CCNI2: variants seen among roughly 807,000 people sequenced by gnomAD.
CCNI2 encodes the protein cyclin-I2.
Under a neutral mutation model 33.2 loss-of-function variants are expected in CCNI2, and 32 were observed. The observed-to-expected ratio is 0.96, with a 90% confidence interval of 0.73 to 1.30. The LOEUF (loss-of-function observed/expected upper bound fraction) is 1.30, where lower values mean the gene tolerates loss of function less well. CCNI2 is among the 50% of genes most tolerant of loss of function. The pLI is 0.00. For synonymous variants in CCNI2, 231 were observed against 219.9 expected (o/e 1.05, Z -0.45); for missense variants, 452 against 486.2 (o/e 0.93, Z 0.66).
rs1754673677 is a variant in CCNI2 at position 132,748,373 on chromosome 5, A to G, written c.456A>G (p.Glu152=). ...PQDEICDAFE[E]VVLWLLRLQN... ...ATGAAATCTGCGACGCCTTCGAGGA[A>G]GTCGTGCTGTGGCTCCTGCGGCTTC... Residue 152 remains glutamate (E), a synonymous_variant, in exon 2 of 6, where the codon GAA becomes GAG. Coordinates refer to ENST00000378731, the MANE Select transcript of CCNI2 (RefSeq NM_001039780.4). 4.3e-6 allele frequency: 7 copies of G among 1,614,014 alleles called. No homozygotes were observed. Among genetic ancestry groups the G allele is most frequent in the Non-Finnish European group, 5.9e-6 (7 of 1,179,996 alleles).
downstream of CCNI2, among the ~76,000 whole-genome samples, chr5:132,754,691 G>T (rs184296701): frequency 6.6e-6 from 1 of 152,162 alleles, no homozygotes; most frequent in African/African-American, 2.4e-5. Context: ...CAAGCTTGCC[G>T]TGGGGCCCCA....
In CCNI2 at chr5:132,747,892, G is replaced by C; in HGVS notation, c.397G>C (p.Glu133Gln). The change falls in exon 1 of 6, where the codon GAG becomes CAG. Residue 133 changes from glutamate to glutamine, a missense_variant. Physicochemically the swap from Glu to Gln is conservative, Grantham distance 29 (BLOSUM62 2). Coordinates refer to ENST00000378731, the MANE Select transcript of CCNI2 (RefSeq NM_001039780.4). The surrounding 1 kb of genome is among the most constrained non-coding windows in gnomAD (Gnocchi z 4.1). Reference protein sequence around the residue: ...LCHLQLAQDREARLWRGGKPQ... With the variant: ...LCHLQLAQDRQARLWRGGKPQ... ...CCACTTGCAGCTGGCCCAGGACCGC[G>C]AGGCGCGCCTGTGGCGGGGCGGCAA... is the stretch of plus-strand genomic sequence containing the variant. The C allele has an allele frequency of 1.4e-6, 2 of 1,406,220 alleles. No homozygotes were observed. The highest frequency in any genetic ancestry group is 2.3e-4 in the Middle Eastern group (1 of 4,424). The allele number at this position is 1,406,220 out of a possible 1,614,324, so 87.1% of individuals were successfully genotyped here.
downstream of CCNI2, among the ~76,000 whole-genome samples, chr5:132,755,785 CT>C (rs1561735313): frequency 2.0e-5 from 3 of 152,170 alleles, no homozygotes; most frequent in African/African-American, 7.2e-5. Context: ...CTTCCTGTAA[CT>C]TTCCTGTGAC....
At position 132,754,191 on chromosome 5, in the gene CCNI2, AC is replaced by A; in HGVS notation, c.*1223del. 1.9e-6 allele frequency: 1 copy of A among 527,092 alleles called. No individual in the cohort carries two copies. The highest frequency in any genetic ancestry group is 2.7e-5 in the South Asian group (1 of 37,166). 32.7% of individuals were successfully genotyped at this position (527,092 alleles called of 1,614,324 possible). On this transcript the variant is annotated 3_prime_UTR_variant, in exon 6 of 6. Transcript: ENST00000378731. ...TCCTGTATGAGTCTTATTTTGAGCTACCATGCATTTAGCCTTGCGAGAGTCA... is the reference window on the plus strand; with the variant it reads ...TCCTGTATGAGTCTTATTTTGAGCTACATGCATTTAGCCTTGCGAGAGTCA...
chr5:132,754,564 G>A, downstream of CCNI2: 1 of 716,760 alleles, frequency 1.4e-6, no homozygotes, highest in Non-Finnish European at 2.6e-6. Context: ...TAGGACTGGG[G>A]TAAGAGACAA....
chr5:132,747,509 C>T lies in CCNI2; in HGVS notation c.14C>T (p.Ala5Val). The change falls in exon 1 of 6, where the codon GCT becomes GTT. Residue 5 changes from alanine (A) to valine (V), a missense_variant. Physicochemically the swap from Ala to Val is moderately conservative, Grantham distance 64. Coordinates refer to ENST00000378731, the MANE Select transcript of CCNI2 (RefSeq NM_001039780.4). The surrounding 1 kb of genome is among the most constrained non-coding windows in gnomAD (Gnocchi z 4.1). Reference protein sequence around the residue: MASGAQLPPQPSSSE... With the variant: MASGVQLPPQPSSSE... ...CCCGCTCACGACATGGCCTCGGGCGCTCAGCTCCCGCCGCAGCCGTCGAGC... is the reference window on the plus strand; with the variant it reads ...CCCGCTCACGACATGGCCTCGGGCGTTCAGCTCCCGCCGCAGCCGTCGAGC... 6.7e-7 allele frequency: 1 copy of T among 1,483,968 alleles called. No homozygotes were observed. Among genetic ancestry groups the T allele is most frequent in the South Asian group, 1.3e-5 (1 of 77,878 alleles). 91.9% of individuals were successfully genotyped at this position (1,483,968 alleles called of 1,614,324 possible).
downstream of CCNI2, among the ~76,000 whole-genome samples, chr5:132,754,804 A>G (rs1050313172): frequency 2.6e-5 from 4 of 152,204 alleles, no homozygotes; most frequent in African/African-American, 9.7e-5. Flanking sequence ...AAATATGGAT[A>G]CAATCTATTT....
At position 132,750,914 on chromosome 5, in the gene CCNI2, G is replaced by A; in HGVS notation, c.691G>A (p.Glu231Lys). ...KHYGSDYSPN[E>K]LLRMELAILD... ...CTATGGCTCTGACTATTCCCCGAAT[G>A]AGCTGCTGAGGATGGAGCTGGCTAT... Residue 231 changes from glutamate (E) to lysine (K), a missense_variant, in exon 4 of 6, where the codon GAG (glutamate) becomes AAG (lysine). Transcript: ENST00000378731. 1 of 1,614,238 alleles carries A rather than the reference G, an allele frequency of 6.2e-7. No homozygotes were observed. The highest frequency in any genetic ancestry group is 8.5e-7 in the Non-Finnish European group (1 of 1,180,034).
rs1754904676 is a variant in CCNI2, at chr5:132,752,213, C to T, written c.1005+17C>T. 2 of 1,551,662 alleles carry T rather than the reference C, an allele frequency of 1.3e-6. No homozygotes were observed. Among genetic ancestry groups the T allele is most frequent in the South Asian group, 1.2e-5 (1 of 83,894 alleles). On this transcript the variant is annotated intron_variant, in intron 5 of 5. Coordinates refer to ENST00000378731, the MANE Select transcript of CCNI2 (RefSeq NM_001039780.4). ...AAAGCACAGGTAGACATCAACTTTG[C>T]CCCAGACCAGGCTCTGTGTTTTGCC...
chr5:132,749,337 C>T lies in CCNI2; in HGVS notation c.559-11C>T, dbSNP rs762259411. ...CATATTCTGCTCAAATGTGTTTGTTCCATACTGCAGGTAAAAGAGAAATAC... is the reference window on the plus strand; with the variant it reads ...CATATTCTGCTCAAATGTGTTTGTTTCATACTGCAGGTAAAAGAGAAATAC... On this transcript the variant is annotated splice_polypyrimidine_tract_variant and intron_variant, in intron 2 of 5. Transcript: ENST00000378731. The T allele has an allele frequency of 1.2e-6, 2 of 1,608,242 alleles. No homozygotes were observed. Among genetic ancestry groups the T allele is most frequent in the Admixed American group, 1.7e-5 (1 of 59,994 alleles).
In CCNI2 at chr5:132,747,954, G is replaced by A. The variant is rs1754659931; in HGVS notation, c.429+30G>A. 2.2e-6 allele frequency: 3 copies of A among 1,359,730 alleles called. No individual in the cohort carries two copies. The highest frequency in any genetic ancestry group is 1.5e-5 in the African/African-American group (1 of 65,084). 84.2% of individuals were successfully genotyped at this position (1,359,730 alleles called of 1,614,324 possible). On this transcript the variant is annotated intron_variant, in intron 1 of 5. Coordinates refer to ENST00000378731, the MANE Select transcript of CCNI2 (RefSeq NM_001039780.4). This position sits in a 1 kb window ranked among gnomAD's most constrained non-coding sequence, Gnocchi z 4.1. ...CCGTCGCTGCCGCGTGGCCCTCCTC[G>A]CGCGTGCACGGCAGGCGGATGTGGC...
In CCNI2 at chr5:132,752,910, G is replaced by A. The variant is rs758409614; in HGVS notation, c.1050G>A (p.Gln350=). 1.2e-6 allele frequency: 2 copies of A among 1,614,054 alleles called. No homozygotes were observed. Among genetic ancestry groups the A allele is most frequent in the African/African-American group, 1.3e-5 (1 of 74,920 alleles). The stretch of plus-strand genomic sequence containing the variant: ...GCTGCTGCAAGGAACTTGTAATGCA[G>A]CAACTGAGAAGTCTTCAGTCATCCT... ...QYSCCKELVM[Q]QLRSLQSSSC... Residue 350 remains glutamine, a synonymous_variant, in exon 6 of 6, where the codon CAG becomes CAA. Transcript: ENST00000378731.
rs927801991 is a variant in CCNI2, at chr5:132,754,101, A to G, written c.*1131A>G. 8 of 321,204 alleles carry G rather than the reference A, an allele frequency of 2.5e-5. No homozygotes were observed. The highest frequency in any genetic ancestry group is 2.3e-5 in the Non-Finnish European group (4 of 171,000). The allele number at this position is 321,204 out of a possible 1,614,324, so 19.9% of individuals were successfully genotyped here. On this transcript the variant is annotated 3_prime_UTR_variant, in exon 6 of 6. Coordinates refer to ENST00000378731, the MANE Select transcript of CCNI2 (RefSeq NM_001039780.4). ...TATTATAGAGTTAGTATACATCTGT[A>G]TTTTTTCTTGACACACTTTTGCTTG...
chr5:132,752,846 G>A lies in CCNI2; in HGVS notation c.1006-20G>A. 1 of 1,594,460 alleles carries A rather than the reference G, an allele frequency of 6.3e-7. No individual in the cohort carries two copies. The highest frequency in any genetic ancestry group is 8.6e-7 in the Non-Finnish European group (1 of 1,163,202). Reference sequence around the variant, plus strand: ...TGTATGATGGTTCTGCTTGAAGATGGCCACTCTATTCTAATACAGGTTGGT... The same window carrying A: ...TGTATGATGGTTCTGCTTGAAGATGACCACTCTATTCTAATACAGGTTGGT... On this transcript the variant is annotated intron_variant, in intron 5 of 5. Coordinates refer to ENST00000378731, the MANE Select transcript of CCNI2 (RefSeq NM_001039780.4).
At chr5:132,754,602 T>C (rs115835172), downstream of CCNI2, 1,031 of 703,806 alleles carry the variant, frequency 1.5e-3, 10 homozygotes, top group African/African-American at 0.016. Flanking sequence ...CTATAAATGA[T>C]AGAACTCTTC....
rs922977881 is a variant in CCNI2, at chr5:132,753,224, G to A, written c.*254G>A. On this transcript the variant is annotated 3_prime_UTR_variant, in exon 6 of 6. Coordinates refer to ENST00000378731, the MANE Select transcript of CCNI2 (RefSeq NM_001039780.4). ...TCTTCCCTTTTTCTCCTCTGGGCCT[G>A]AAGCCAGGGAGTATGAATGAATGTT... is the stretch of plus-strand genomic sequence containing the variant. The A allele has an allele frequency of 6.2e-6, 3 of 481,860 alleles. No individual in the cohort carries two copies. The highest frequency in any genetic ancestry group is 1.1e-5 in the Non-Finnish European group (3 of 266,502). 29.8% of individuals were successfully genotyped at this position (481,860 alleles called of 1,614,324 possible).
intron 3 of CCNI2, 166 bp from the exon 4 acceptor site, chr5:132,750,689 GAC>G (rs1754773188): frequency 1.5e-6 from 1 of 649,170 alleles, no homozygotes; most frequent in Admixed American, 3.1e-5. Flanking sequence ...CTGAGGATTT[GAC>G]AGATAGCCAA....
At position 132,748,415 on chromosome 5, in the gene CCNI2, C is replaced by T. The variant is rs189368533; in HGVS notation, c.498C>T (p.Phe166=). 1.2e-6 allele frequency: 2 copies of T among 1,614,202 alleles called. No individual in the cohort carries two copies. Among genetic ancestry groups the T allele is most frequent in the Middle Eastern group, 1.6e-4 (1 of 6,062 alleles). The change falls in exon 2 of 6, where the codon TTC becomes TTT. Residue 166 remains phenylalanine (F), a synonymous_variant. Transcript: ENST00000378731. ...TGCGGCTTCAGAACACCTTTTACTT[C>T]TCCCAGTCCACTTTTAACCTGGCCC... is the stretch of plus-strand genomic sequence containing the variant. ...WLLRLQNTFY[F]SQSTFNLALT... is the part of the protein sequence containing the mutation.
chr5:132,755,915 G>A (rs1288083918), downstream of CCNI2: 2 of 938,218 alleles, frequency 2.1e-6, no homozygotes, highest in East Asian at 2.4e-4. Flanking sequence ...GAACAGACAA[G>A]CTGTATTTTA....
Sources: allele counts gnomAD v4.1 joint callset (sites outside exome capture counted in the v4.1 genomes callset), GRCh38; gene constraint gnomAD v4.1.1; non-coding constraint Gnocchi (gnomAD v3.1); transcripts MANE v1.5; gene names NCBI Gene and HGNC (gene_info 2026-07-23, HGNC 2026-07-21).